Variants in GALNTL6 observed in about 807,000 individuals in gnomAD.
GALNTL6 encodes polypeptide N-acetylgalactosaminyltransferase like 6, also known as polypeptide N-acetylgalactosaminyltransferase-like 6.
A neutral mutation model predicts 73.7 loss-of-function variants in GALNTL6; 46 were observed. That is an observed-to-expected ratio of 0.62 (90% CI 0.49 to 0.80). GALNTL6 has a LOEUF of 0.80. GALNTL6 is among the 30% of genes least tolerant of loss of function. The pLI is 0.00. For missense variants in GALNTL6, 604 were observed against 755.0 expected (o/e 0.80, Z 2.34); for synonymous variants, 259 against 263.7 (o/e 0.98, Z 0.17).
chr4:173,002,176 G>C (rs1157630189), intron 10 of GALNTL6, among the ~76,000 whole-genome samples: 1 of 152,104 alleles, frequency 6.6e-6, no homozygotes, highest in Non-Finnish European at 1.5e-5. Flanking sequence ...CAGATCAAGA[G>C]GTCAGGAGAT....
At chr4:172,317,495 A>G (rs1356642781) in intron 4 of GALNTL6, among the ~76,000 whole-genome samples, 1 of 152,186 alleles carries the variant, frequency 6.6e-6, no homozygotes, top group African/African-American at 2.4e-5. Context: ...TTCCAGTTAT[A>G]TCATGGAGAT....
intron 2 of GALNTL6, among the ~76,000 whole-genome samples, chr4:171,909,169 GAAAAA>G (rs1368768512): frequency 4.3e-5 from 4 of 93,504 alleles, no homozygotes; most frequent in Non-Finnish European, 6.5e-5. Context: ...TAAATAAAAA[GAAAAA>G]AGAAAAAAAA....
intron 10 of GALNTL6, among the ~76,000 whole-genome samples, chr4:172,985,613 T>G (rs900674804): frequency 5.3e-5 from 8 of 151,478 alleles, no homozygotes; most frequent in African/African-American, 1.7e-4. Context: ...GAAGACTAGG[T>G]TTTTTTTTAA....
chr4:172,330,764 T>G (rs1741097048), intron 4 of GALNTL6, among the ~76,000 whole-genome samples: 1 of 152,208 alleles, frequency 6.6e-6, no homozygotes. Flanking sequence ...TTCAAATGTG[T>G]CTTGTCTCTC....
At chr4:172,889,819 T>C (rs1369947583) in intron 8 of GALNTL6, among the ~76,000 whole-genome samples, 1 of 152,116 alleles carries the variant, frequency 6.6e-6, no homozygotes, top group Non-Finnish European at 1.5e-5. Flanking sequence ...GGAATAATTT[T>C]AGTAGAATTG....
At chr4:172,633,699 G>A (rs1327870614) in intron 5 of GALNTL6, among the ~76,000 whole-genome samples, 2 of 152,166 alleles carry the variant, frequency 1.3e-5, no homozygotes, top group Admixed American at 6.5e-5. Flanking sequence ...GGGGCCAGGG[G>A]TGGAATGATA....
chr4:172,701,041 A>G (rs964871657), intron 5 of GALNTL6, among the ~76,000 whole-genome samples: 2 of 152,174 alleles, frequency 1.3e-5, no homozygotes, highest in Non-Finnish European at 2.9e-5. Flanking sequence ...ATTTAGCAAT[A>G]TGACTGAAAT....
chr4:172,111,978 G>A (rs1261868183), intron 2 of GALNTL6, among the ~76,000 whole-genome samples: 1 of 151,990 alleles, frequency 6.6e-6, no homozygotes, highest in Non-Finnish European at 1.5e-5. Context: ...GGTGTTTTAT[G>A]TACTATAGGC....
intron 5 of GALNTL6, among the ~76,000 whole-genome samples, chr4:172,657,004 G>A (rs970457112): frequency 6.6e-6 from 1 of 152,008 alleles, no homozygotes; most frequent in African/African-American, 2.4e-5. Context: ...TGGCAAAATT[G>A]CAATAACCTC....
At chr4:172,764,183 C>G (rs1330623995) in intron 5 of GALNTL6, among the ~76,000 whole-genome samples, 1 of 152,186 alleles carries the variant, frequency 6.6e-6, no homozygotes, top group Non-Finnish European at 1.5e-5. Flanking sequence ...GTCTCAAACT[C>G]CCGACCTCAG....
At chr4:172,801,555 C>T (rs772218698) in intron 5 of GALNTL6, among the ~76,000 whole-genome samples, 4 of 151,976 alleles carry the variant, frequency 2.6e-5, no homozygotes, top group Non-Finnish European at 5.9e-5. Context: ...GAAAGAAGAA[C>T]ACACCCATGC....
At chr4:172,276,350 C>A (rs780360825) in intron 3 of GALNTL6, among the ~76,000 whole-genome samples, 51 of 152,192 alleles carry the variant, frequency 3.4e-4, no homozygotes, top group Admixed American at 7.9e-4. Flanking sequence ...ATAATCCCAG[C>A]ATGACTGAGG....
In GALNTL6 at chr4:172,984,403, TG is replaced by T. The variant is rs543833231; in HGVS notation, c.1372-24770del. Among the ~76,000 whole-genome samples, 78 of 152,240 alleles carry T rather than the reference TG, an allele frequency of 5.1e-4. 2 individuals are homozygous for T. The East Asian group carries it at 0.015, about 29-fold the overall frequency. ...CTCACTCACTATAACAAGAACAGCC[TG>T]GGGGAAACCGCCCCCATGATTCCAT... On this transcript the variant is annotated intron_variant, in intron 10 of 12. Coordinates refer to ENST00000506823, the MANE Select transcript of GALNTL6 (RefSeq NM_001034845.3).
chr4:172,072,678 T>G (rs1579110091), intron 2 of GALNTL6, among the ~76,000 whole-genome samples: 1 of 152,344 alleles, frequency 6.6e-6, no homozygotes, highest in South Asian at 2.1e-4. Context: ...TCCTTGATTC[T>G]TCTTGCCTAT....
chr4:173,025,304 C>T (rs1753188166), intron 12 of GALNTL6, among the ~76,000 whole-genome samples: 1 of 152,118 alleles, frequency 6.6e-6, no homozygotes. Context: ...GAGGCAACCT[C>T]AGTAAAAATA....
At chr4:172,061,074 A>G (rs944670581) in intron 2 of GALNTL6, among the ~76,000 whole-genome samples, 1 of 152,210 alleles carries the variant, frequency 6.6e-6, no homozygotes, top group Non-Finnish European at 1.5e-5. Flanking sequence ...ATAACTGGTA[A>G]CAGTGATTAC....
At chr4:172,222,884 T>C (rs1736732396) in intron 2 of GALNTL6, among the ~76,000 whole-genome samples, 1 of 152,012 alleles carries the variant, frequency 6.6e-6, no homozygotes, top group Admixed American at 6.6e-5. Flanking sequence ...TGATTAAGAC[T>C]GACATAAGCT....
At chr4:171,825,761 G>C (rs11132916) in intron 2 of GALNTL6, among the ~76,000 whole-genome samples, 105,523 of 151,978 alleles carry the variant, frequency 0.69, 38,895 homozygotes, top group Admixed American at 0.83. Flanking sequence ...GTTTCACATA[G>C]GGACTGATTG....
At chr4:172,882,368 T>TA (rs373999649) in intron 7 of GALNTL6, among the ~76,000 whole-genome samples, 208 of 152,310 alleles carry the variant, frequency 1.4e-3, no homozygotes, top group Middle Eastern at 6.8e-3. Context: ...TACTCAAAGA[T>TA]ATTGTCTACA....
Sources: gnomAD v4.1 joint callset for allele counts (sites outside exome capture counted in the v4.1 genomes callset) on GRCh38, gnomAD v4.1.1 for gene constraint, MANE v1.5 for transcripts, NCBI Gene and HGNC (gene_info 2026-07-23, HGNC 2026-07-21) for gene names.